Variants in NSMF observed in about 807,000 individuals in gnomAD.
NSMF encodes the protein nasal embryonic LHRH factor.
Under a neutral mutation model 71.0 loss-of-function variants are expected in NSMF, and 31 were observed. The observed-to-expected ratio is 0.44, with a 90% CI of 0.33 to 0.59. NSMF has a LOEUF of 0.59. Among genes scored for constraint, NSMF ranks in the 20% least tolerant of loss-of-function variants. NSMF has a pLI of 0.04. For synonymous variants in NSMF, 345 were observed against 287.1 expected (o/e 1.20, Z -2.04); for missense variants, 673 against 740.5 (o/e 0.91, Z 1.06).
intron 11 of NSMF, 44 bp from the exon 12 acceptor site, chr9:137,452,479 C>G (rs111302356): frequency 6.2e-7 from 1 of 1,612,044 alleles, no homozygotes; most frequent in Non-Finnish European, 8.5e-7. Flanking sequence ...CACCCCAGCC[C>G]CAGGGGCACC....
chr9:137,458,429 T>C (rs1028933515), intron 2 of NSMF, 59 bp downstream of exon 2: 1 of 1,430,292 alleles, frequency 7.0e-7, no homozygotes, highest in African/African-American at 1.4e-5. Context: ...GAGGCAGGGA[T>C]CAGCATCCCT....
At position 137,453,393 on chromosome 9, in the gene NSMF, G is replaced by C. The variant is rs1830646206; in HGVS notation, c.923-213C>G. ...GTGGGAAGGGAGACCCTGGTGCGAGGCCGGTGGAAGGCGCGTGCAGGCATC... is the reference window on the plus strand; with the variant it reads ...GTGGGAAGGGAGACCCTGGTGCGAGCCCGGTGGAAGGCGCGTGCAGGCATC... On this transcript the variant is annotated intron_variant, in intron 8 of 15. Transcript: ENST00000371475. This position sits in a 1 kb window ranked among gnomAD's most constrained non-coding sequence, Gnocchi z 4.5. 1 of 671,178 alleles carries C rather than the reference G, an allele frequency of 1.5e-6. No individual in the cohort carries two copies. Among genetic ancestry groups the C allele is most frequent in the South Asian group, 1.9e-5 (1 of 53,182 alleles). 41.6% of individuals were successfully genotyped at this position (671,178 alleles called of 1,614,324 possible). A position where few individuals can be genotyped will look rare whatever the true frequency, so the allele number is the denominator to read the frequency against.
intron 4 of NSMF, 155 bp downstream of exon 4, chr9:137,456,256 C>G (rs550642811): frequency 1.3e-6 from 1 of 746,926 alleles, no homozygotes; most frequent in South Asian, 1.4e-5. Context: ...GCAGTCAGCC[C>G]TGGCCTCCCT....
In NSMF at chr9:137,454,690, TCTC is replaced by T. The variant is rs557768453; in HGVS notation, c.780-250_780-248del. 6.1e-5 allele frequency: 93 copies of T among 1,520,320 alleles called. No homozygotes were observed. In the East Asian group the frequency reaches 2.3e-3, roughly 37 times the overall value. 94.2% of individuals were successfully genotyped at this position (1,520,320 alleles called of 1,614,324 possible). A position where few individuals can be genotyped will look rare whatever the true frequency, so the allele number is the denominator to read the frequency against. On this transcript the variant is annotated intron_variant, in intron 6 of 15. Coordinates refer to ENST00000371475, the MANE Select transcript of NSMF (RefSeq NM_001130969.3). ...GCAGTGCCTGGCGCTCTGGATCAAG[TCTC>T]CTCCCGAGCTGCATTCCCAGGCTCT...
chr9:137,452,965 G>A, intron 9 of NSMF, 91 bp downstream of exon 9: 1 of 1,593,168 alleles, frequency 6.3e-7, no homozygotes, highest in Non-Finnish European at 8.6e-7. Flanking sequence ...GCTGGAGAAG[G>A]CTGCGTGGTC....
Position 137,456,499 on chromosome 9 carries a change from A to T in NSMF, c.629-13T>A. On this transcript the variant is annotated splice_polypyrimidine_tract_variant and intron_variant, in intron 3 of 15. Transcript: ENST00000371475. ...ATAGGGATGTCGTCTAAGAGAGACA[A>T]AAAGGAGCGGTGGCTGGGTGAAGTA... 6.3e-7 allele frequency: 1 copy of T among 1,593,112 alleles called. No homozygotes were observed.
chr9:137,457,723 G>A lies in NSMF; in HGVS notation c.312C>T (p.Ile104=). 3 of 1,556,116 alleles carry A rather than the reference G, an allele frequency of 1.9e-6. No individual in the cohort carries two copies. Among genetic ancestry groups the A allele is most frequent in the Non-Finnish European group, 8.7e-7 (1 of 1,150,050 alleles). The change falls in exon 3 of 16, where the codon ATC becomes ATT. Residue 104 remains isoleucine, a synonymous_variant. Transcript: ENST00000371475. ...GEGPQPRVYT[I]SGEPALLPSP... ...TGGGCAGCAGGGCAGGCTCCCCAGA[G>A]ATGGTGTACACTCGAGGCTGAGGGC...
At chr9:137,458,031 TA>T in intron 2 of NSMF, 130 bp from the exon 3 acceptor site, 1 of 1,316,192 alleles carries the variant, frequency 7.6e-7, no homozygotes, top group South Asian at 1.3e-5. Context: ...GCCCAAACCC[TA>T]GTCACTGGCG....
Position 137,457,653 on chromosome 9 carries a change from G to C in NSMF, c.382C>G (p.Arg128Gly), listed in dbSNP as rs1055992478. ...AIELAVVKGR[R>G]QRHPHHHSQP... is the part of the protein sequence containing the mutation. Reference sequence around the variant, plus strand: ...CTGTGATGGTGAGGGTGCCGCTGCCGCCGCCCCTTCACCACCGCCAGCTCA... The same window carrying C: ...CTGTGATGGTGAGGGTGCCGCTGCCCCCGCCCCTTCACCACCGCCAGCTCA... The change falls in exon 3 of 16, where the codon CGG becomes GGG. Residue 128 changes from arginine to glycine, a missense_variant. By Grantham distance (125) the Arg-to-Gly change is moderately radical. Around this residue, in one of 2 missense-constraint regions of NSMF, gnomAD observed 471 missense variants for 459.6 expected, o/e 1.02. Transcript: ENST00000371475. 1.3e-6 allele frequency: 2 copies of C among 1,549,332 alleles called. No homozygotes were observed. Among genetic ancestry groups the C allele is most frequent in the African/African-American group, 2.7e-5 (2 of 73,064 alleles).
chr9:137,455,439 GCCTC>G, intron 5 of NSMF, 132 bp from the exon 6 acceptor site: 1 of 1,167,400 alleles, frequency 8.6e-7, no homozygotes, highest in East Asian at 2.5e-5. Flanking sequence ...GTCCCAGCCT[GCCTC>G]ACCTGTCGAG....
Position 137,453,858 on chromosome 9 carries a change from G to C in NSMF, c.833-38C>G. The C allele has an allele frequency of 6.5e-7, 1 of 1,533,144 alleles. No homozygotes were observed. The highest frequency in any genetic ancestry group is 8.8e-7 in the Non-Finnish European group (1 of 1,140,204). 95.0% of individuals were successfully genotyped at this position (1,533,144 alleles called of 1,614,324 possible). A position where few individuals can be genotyped will look rare whatever the true frequency, so the allele number is the denominator to read the frequency against. On this transcript the variant is annotated intron_variant, in intron 7 of 15. Coordinates refer to ENST00000371475, the MANE Select transcript of NSMF (RefSeq NM_001130969.3). The surrounding 1 kb of genome is among the most constrained non-coding windows in gnomAD (Gnocchi z 4.5). ...AAACCCGCATTAGCGAGCGGGTGGG[G>C]CGGGGCCTCGGGAGTCTCAGACCCC...
intron 3 of NSMF, 26 bp from the exon 4 acceptor site, chr9:137,456,512 G>A: frequency 4.0e-6 from 6 of 1,516,810 alleles, no homozygotes; most frequent in Non-Finnish European, 4.6e-6. Flanking sequence ...AGGAGCGGTG[G>A]CTGGGTGAAG....
chr9:137,456,206 G>GT (rs1328721854), intron 4 of NSMF, among the ~76,000 whole-genome samples: 1 of 142,338 alleles, frequency 7.0e-6, no homozygotes, highest in Non-Finnish European at 1.5e-5. Flanking sequence ...CTGTGTGTGT[G>GT]TGGGGGGGGG....
chr9:137,450,124 G>T, intron 13 of NSMF, 52 bp downstream of exon 13: 1 of 1,587,672 alleles, frequency 6.3e-7, no homozygotes, highest in Non-Finnish European at 8.6e-7. Flanking sequence ...ACATGCCAGG[G>T]CCTGGACTCT....
At chr9:137,455,669 G>A (rs1485465424) in intron 4 of NSMF, 35 bp from the exon 5 acceptor site, 1 of 1,550,236 alleles carries the variant, frequency 6.5e-7, no homozygotes, top group Admixed American at 2.0e-5. Context: ...GCGTGAGAGA[G>A]AAGACACAGT....
rs1830933935 is a variant in NSMF at position 137,458,007 on chromosome 9, G to T, written c.134-106C>A. On this transcript the variant is annotated intron_variant, in intron 2 of 15. Transcript: ENST00000371475. The stretch of plus-strand genomic sequence containing the variant: ...CACCCAGTGGGCACCTGGCCTCTGT[G>T]GGGGACTAGGGCTGCCCAAACCCTA... 63 of 1,481,536 alleles carry T rather than the reference G, an allele frequency of 4.3e-5. No homozygotes were observed. In the East Asian group the frequency reaches 1.5e-3, roughly 36 times the overall value. The allele number at this position is 1,481,536 out of a possible 1,614,324, so 91.8% of individuals were successfully genotyped here. A position where few individuals can be genotyped will look rare whatever the true frequency, so the allele number is the denominator to read the frequency against.
Position 137,449,187 on chromosome 9 carries a change from C to T in NSMF, c.*207G>A, listed in dbSNP as rs1025457261. ...CCACGGGCCACAGGGCGGGATCCTC[C>T]CGGCCCCCAGGGACTGCAGCCTCTG... On this transcript the variant is annotated 3_prime_UTR_variant, in exon 16 of 16. Transcript: ENST00000371475. 1.2e-5 allele frequency: 7 copies of T among 607,608 alleles called. No individual in the cohort carries two copies. Among genetic ancestry groups the T allele is most frequent in the Admixed American group, 2.7e-5 (1 of 36,996 alleles). The allele number at this position is 607,608 out of a possible 1,614,324, so 37.6% of individuals were successfully genotyped here.
Position 137,453,655 on chromosome 9 carries a change from C to A in NSMF, c.922+76G>T. 8.3e-7 allele frequency: 1 copy of A among 1,204,302 alleles called. No homozygotes were observed. 74.6% of individuals were successfully genotyped at this position (1,204,302 alleles called of 1,614,324 possible). A position where few individuals can be genotyped will look rare whatever the true frequency, so the allele number is the denominator to read the frequency against. Reference sequence around the variant, plus strand: ...CAAAAGCGCAGCCCAGCGGCCCTGGCAGGGGACCCCCAGCAGGGGTCTGGG... The same window carrying A: ...CAAAAGCGCAGCCCAGCGGCCCTGGAAGGGGACCCCCAGCAGGGGTCTGGG... On this transcript the variant is annotated intron_variant, in intron 8 of 15. Coordinates refer to ENST00000371475, the MANE Select transcript of NSMF (RefSeq NM_001130969.3). The surrounding 1 kb of genome is among the most constrained non-coding windows in gnomAD (Gnocchi z 4.5).
chr9:137,456,251 C>T, intron 4 of NSMF, 160 bp downstream of exon 4: 1 of 732,278 alleles, frequency 1.4e-6, no homozygotes. Flanking sequence ...GAAGAGCAGT[C>T]AGCCCTGGCC....
Sources: gnomAD v4.1 joint callset for allele counts (sites outside exome capture counted in the v4.1 genomes callset) on GRCh38, gnomAD v4.1.1 for gene constraint, gnomAD v4.1.1 regional missense constraint, Gnocchi (gnomAD v3.1) non-coding constraint, MANE v1.5 for transcripts, NCBI Gene and HGNC (gene_info 2026-07-23, HGNC 2026-07-21) for gene names.